Variants in PLPPR1 observed in about 807,000 individuals in gnomAD.
The protein encoded by PLPPR1 is phospholipid phosphatase related 1.
A neutral mutation model predicts 33.1 loss-of-function variants in PLPPR1; 10 were observed. The ratio of observed to expected loss-of-function variants is 0.30; its 90% CI spans 0.19 to 0.51. The LOEUF (loss-of-function observed/expected upper bound fraction) is 0.51. Ranked by LOEUF, PLPPR1 falls within the 20% of genes least tolerant of loss-of-function variation. The pLI is 0.97. For synonymous variants in PLPPR1, 151 were observed against 151.0 expected, an observed-to-expected ratio of 1.00 and a Z score of 0.00; for missense variants, 304 against 408.1, an observed-to-expected ratio of 0.74 and a Z score of 2.20.
At position 101,066,033 on chromosome 9, in the gene PLPPR1, C is replaced by T. The variant is rs150623631; in HGVS notation, c.-46+36931C>T. On this transcript the variant is annotated intron_variant, in intron 1 of 7. Transcript: ENST00000374874. Reference sequence around the variant, plus strand: ...ATTTTTATCTGTCTGCTTTCTGTACCAGGATCCCACTCAGGATACCACATT... The same window carrying T: ...ATTTTTATCTGTCTGCTTTCTGTACTAGGATCCCACTCAGGATACCACATT... Among the ~76,000 whole-genome samples, 147 of 152,046 alleles carry T rather than the reference C, an allele frequency of 9.7e-4. 1 individual carries two copies. Among genetic ancestry groups the T allele is most frequent in the African/African-American group, 3.3e-3 (135 of 41,526 alleles).
intron 7 of PLPPR1, among the ~76,000 whole-genome samples, chr9:101,321,787 ATATT>A (rs1829155185): frequency 6.7e-6 from 1 of 148,224 alleles, no homozygotes; most frequent in African/African-American, 2.4e-5. Flanking sequence ...ACACTAATAT[ATATT>A]TATATACATA....
At chr9:101,072,576 G>A (rs1424509387) in intron 1 of PLPPR1, among the ~76,000 whole-genome samples, 3 of 152,084 alleles carry the variant, frequency 2.0e-5, no homozygotes, top group Non-Finnish European at 2.9e-5. Context: ...ATTAACTGAG[G>A]GAATAGAGAG....
Position 101,270,055 on chromosome 9 carries a change from C to T in PLPPR1, c.239C>T (p.Thr80Ile). 6.2e-7 allele frequency: 1 copy of T among 1,614,174 alleles called. No homozygotes were observed. ...GTGCTCTATTGTGTGCTGGCTGCCA[C>T]CCCAACTGCTATTGTAAGTACAGAA... ...PLVLYCVLAATPTAIIFIGEI... is the reference protein window; with the variant it reads ...PLVLYCVLAAIPTAIIFIGEI... Residue 80 changes from threonine (T) to isoleucine (I), a missense_variant, in exon 3 of 8, where the codon ACC (threonine) becomes ATC (isoleucine). Physicochemically the swap from Thr to Ile is moderately conservative, Grantham distance 89. Coordinates refer to ENST00000374874, the MANE Select transcript of PLPPR1 (RefSeq NM_207299.2).
intron 1 of PLPPR1, among the ~76,000 whole-genome samples, chr9:101,160,632 G>C (rs1831760660): frequency 6.6e-6 from 1 of 152,102 alleles, no homozygotes; most frequent in Non-Finnish European, 1.5e-5. Flanking sequence ...ATGGACTGAA[G>C]ATCAGCACAG....
intron 2 of PLPPR1, among the ~76,000 whole-genome samples, chr9:101,217,320 C>A (rs1248829870): frequency 1.3e-5 from 2 of 151,986 alleles, no homozygotes; most frequent in Non-Finnish European, 2.9e-5. Context: ...GACATTTGAA[C>A]CTATTATAAC....
At chr9:101,293,577 A>G (rs1317617416) in intron 4 of PLPPR1, among the ~76,000 whole-genome samples, 2 of 152,194 alleles carry the variant, frequency 1.3e-5, no homozygotes, top group African/African-American at 2.4e-5. Flanking sequence ...AGCAAATGTA[A>G]AAGATCAGAA....
intron 1 of PLPPR1, among the ~76,000 whole-genome samples, chr9:101,071,933 T>G (rs16919794): frequency 0.032 from 4,890 of 152,090 alleles, 135 homozygotes; most frequent in East Asian, 0.081. Flanking sequence ...CTGTAAGAGG[T>G]TAGCTTGGAA....
At chr9:101,300,362 A>G (rs1426987747) in intron 4 of PLPPR1, among the ~76,000 whole-genome samples, 4 of 152,128 alleles carry the variant, frequency 2.6e-5, no homozygotes, top group Non-Finnish European at 5.9e-5. Flanking sequence ...TATTATTTGC[A>G]GAGACAGGGT....
At chr9:101,270,140 C>T (rs1828068501) in intron 3 of PLPPR1, 72 bp downstream of exon 3, 1 of 1,491,134 alleles carries the variant, frequency 6.7e-7, no homozygotes, top group South Asian at 1.2e-5. Context: ...TTTTTCTCCT[C>T]TTTCTTCTCT....
intron 2 of PLPPR1, among the ~76,000 whole-genome samples, chr9:101,232,749 G>A (rs1334704480): frequency 6.6e-6 from 1 of 151,852 alleles, no homozygotes; most frequent in Non-Finnish European, 1.5e-5. Flanking sequence ...TCACTACCTT[G>A]CCCTAGCTAT....
chr9:101,284,181 G>A (rs1208604271), intron 3 of PLPPR1, among the ~76,000 whole-genome samples: 1 of 152,114 alleles, frequency 6.6e-6, no homozygotes, highest in Admixed American at 6.5e-5. Flanking sequence ...AGAGATATCT[G>A]AACTGCCATA....
chr9:101,295,070 A>G (rs1828596615), intron 4 of PLPPR1, among the ~76,000 whole-genome samples: 2 of 152,296 alleles, frequency 1.3e-5, no homozygotes, highest in East Asian at 3.9e-4. Context: ...TCAGCCCAAA[A>G]TCTCCTTAAG....
intron 1 of PLPPR1, among the ~76,000 whole-genome samples, chr9:101,134,237 C>A (rs1831350477): frequency 6.6e-6 from 1 of 152,076 alleles, no homozygotes; most frequent in Non-Finnish European, 1.5e-5. Context: ...TTACTGACTG[C>A]TTAAGAATTA....
intron 1 of PLPPR1, among the ~76,000 whole-genome samples, chr9:101,081,267 G>A (rs1232855014): frequency 6.6e-6 from 1 of 152,054 alleles, no homozygotes; most frequent in East Asian, 1.9e-4. Context: ...CCGGGCTGGA[G>A]TGCAGTGGTG....
chr9:101,116,507 C>T (rs1159337482), intron 1 of PLPPR1, among the ~76,000 whole-genome samples: 1 of 152,084 alleles, frequency 6.6e-6, no homozygotes, highest in African/African-American at 2.4e-5. Flanking sequence ...TGCTGTTGTA[C>T]TCTTTGTGTA....
intron 1 of PLPPR1, among the ~76,000 whole-genome samples, chr9:101,114,037 G>A (rs1333554487): frequency 7.0e-6 from 1 of 142,326 alleles, no homozygotes; most frequent in Non-Finnish European, 1.6e-5. Context: ...GGACAGTTCA[G>A]ATGGTCTGAA....
At chr9:101,254,775 C>T (rs765424683) in intron 2 of PLPPR1, among the ~76,000 whole-genome samples, 1 of 152,256 alleles carries the variant, frequency 6.6e-6, no homozygotes, top group Admixed American at 6.5e-5. Flanking sequence ...AATATTCCAT[C>T]ATAGGCAGTA....
intron 4 of PLPPR1, among the ~76,000 whole-genome samples, chr9:101,290,641 G>T (rs1828478669): frequency 1.3e-5 from 2 of 152,076 alleles, no homozygotes; most frequent in South Asian, 4.2e-4. Context: ...AATTTTTGTG[G>T]ACTAAAATTA....
chr9:101,313,993 T>C (rs566410121), intron 6 of PLPPR1, among the ~76,000 whole-genome samples: 1 of 152,344 alleles, frequency 6.6e-6, no homozygotes, highest in Admixed American at 6.5e-5. Flanking sequence ...TAATTCCTTT[T>C]TATTGCTGTG....
Sources: allele counts gnomAD v4.1 joint callset (sites outside exome capture counted in the v4.1 genomes callset), GRCh38; gene constraint gnomAD v4.1.1; transcripts MANE v1.5; gene names NCBI Gene and HGNC (gene_info 2026-07-23, HGNC 2026-07-21).